SLCO1B1: variants seen among roughly 807,000 people sequenced by gnomAD.
SLCO1B1 encodes OATP-2.
A neutral mutation model predicts 70.1 loss-of-function variants in SLCO1B1; 81 were observed. The observed-to-expected ratio is 1.16, with a 90% CI of 0.97 to 1.39. The LOEUF (loss-of-function observed/expected upper bound fraction) is 1.39. Among genes scored for constraint, SLCO1B1 ranks in the 40% most tolerant of loss-of-function variants. The pLI is 0.00. For missense variants in SLCO1B1, 895 were observed against 799.6 expected, an observed-to-expected ratio of 1.12 and a Z score of -1.44; for synonymous variants, 283 against 271.5, an observed-to-expected ratio of 1.04 and a Z score of -0.42.
chr12:21,142,255 CTG>C (rs1940321143), intron 2 of SLCO1B1, among the ~76,000 whole-genome samples: 1 of 151,884 alleles, frequency 6.6e-6, no homozygotes, highest in South Asian at 2.1e-4. Flanking sequence ...TTGGCACAAA[CTG>C]TATTAAATGA....
At chr12:21,178,031 A>T (rs1940842553) in intron 5 of SLCO1B1, among the ~76,000 whole-genome samples, 1 of 152,130 alleles carries the variant, frequency 6.6e-6, no homozygotes, top group Non-Finnish European at 1.5e-5. Flanking sequence ...GTGTAATGTG[A>T]TTACAGATAA....
rs1284381255 is a variant in SLCO1B1 at position 21,223,062 on chromosome 12, GA to G, written c.1747+699del. Among the ~76,000 whole-genome samples the G allele has an allele frequency of 2.6e-5, 4 of 152,224 alleles. No individual in the cohort carries two copies. The East Asian group carries it at 7.7e-4, about 29-fold the overall frequency. On this transcript the variant is annotated intron_variant, in intron 13 of 14. Transcript: ENST00000256958. ...GGTTTCTACCTTCAGTTTCAATGGA[GA>G]TACCTCTCTGCTAGAACCTGGGTGA...
chr12:21,218,881 T>A (rs745332623), intron 12 of SLCO1B1, among the ~76,000 whole-genome samples: 2 of 152,214 alleles, frequency 1.3e-5, no homozygotes, highest in African/African-American at 2.4e-5. Context: ...TTTGTGAATA[T>A]GACTACAGAA....
rs113488581 is a variant in SLCO1B1 at position 21,150,706 on chromosome 12, G to A, written c.84+9048G>A. On this transcript the variant is annotated intron_variant, in intron 2 of 14. Transcript: ENST00000256958. ...CCATCTGAAAGGCACCAACATCAAA[G>A]ACCAAAGGTAGATAAATCCACGAAG... 8.5e-5 allele frequency among the ~76,000 whole-genome samples: 13 copies of A among 152,250 alleles called. 1 individual carries two copies. Among genetic ancestry groups the A allele is most frequent in the Admixed American group, 3.3e-4 (5 of 15,294 alleles).
intron 14 of SLCO1B1, among the ~76,000 whole-genome samples, chr12:21,235,985 T>C (rs1941592601): frequency 6.6e-6 from 1 of 152,162 alleles, no homozygotes; most frequent in South Asian, 2.1e-4. Flanking sequence ...GGATTTGTTT[T>C]TTCATGTTGA....
chr12:21,185,099 C>T (rs1445267830), intron 7 of SLCO1B1, among the ~76,000 whole-genome samples: 1 of 151,850 alleles, frequency 6.6e-6, no homozygotes, highest in African/African-American at 2.4e-5. Context: ...AGTGGAGGAC[C>T]CAGATTTACA....
At position 21,163,309 on chromosome 12, in the gene SLCO1B1, C is replaced by T. The variant is rs1031994742; in HGVS notation, c.85-9341C>T. 3.9e-5 allele frequency among the ~76,000 whole-genome samples: 6 copies of T among 151,994 alleles called. No individual in the cohort carries two copies. The East Asian group carries it at 1.2e-3, about 29-fold the overall frequency. On this transcript the variant is annotated intron_variant, in intron 2 of 14. Coordinates refer to ENST00000256958, the MANE Select transcript of SLCO1B1 (RefSeq NM_006446.5). ...CTATTCTAACTAGGGAGTAGTTAGA[C>T]TAGTTATTTTAAAATACTTCATTAA...
chr12:21,189,557 C>A (rs1298479060), intron 7 of SLCO1B1, among the ~76,000 whole-genome samples: 1 of 151,948 alleles, frequency 6.6e-6, no homozygotes, highest in African/African-American at 2.4e-5. Flanking sequence ...CAGTGATTAT[C>A]CAGCCTCAGC....
intron 2 of SLCO1B1, among the ~76,000 whole-genome samples, chr12:21,153,446 G>T (rs1170950580): frequency 2.0e-5 from 3 of 151,988 alleles, no homozygotes; most frequent in Non-Finnish European, 4.4e-5. Flanking sequence ...TTGCATTGTG[G>T]AAGCTATGAC....
chr12:21,206,296 A>C (rs532877023), intron 11 of SLCO1B1, among the ~76,000 whole-genome samples: 17 of 151,940 alleles, frequency 1.1e-4, no homozygotes, highest in African/African-American at 4.1e-4. Flanking sequence ...TAAGACTATG[A>C]CCTTTTAGAA....
At chr12:21,224,475 A>G (rs536339623) in intron 13 of SLCO1B1, among the ~76,000 whole-genome samples, 1 of 152,262 alleles carries the variant, frequency 6.6e-6, no homozygotes, top group South Asian at 2.1e-4. Context: ...CATAAGAAGA[A>G]CAGAGTATAT....
chr12:21,168,611 T>C lies in SLCO1B1; in HGVS notation c.85-4039T>C, dbSNP rs146495783. On this transcript the variant is annotated intron_variant, in intron 2 of 14. Transcript: ENST00000256958. ...GTTGTGGGGTGATATCTCATTGTGGTTTTAATTTGCATTTCCCTGATAAGT... is the reference window on the plus strand; with the variant it reads ...GTTGTGGGGTGATATCTCATTGTGGCTTTAATTTGCATTTCCCTGATAAGT... 3.4e-3 allele frequency among the ~76,000 whole-genome samples: 523 copies of C among 152,304 alleles called. 2 individuals carry two copies. Among genetic ancestry groups the C allele is most frequent in the Non-Finnish European group, 5.6e-3 (378 of 68,014 alleles).
At chr12:21,180,619 C>T (rs137855662) in intron 7 of SLCO1B1, among the ~76,000 whole-genome samples, 1 of 152,156 alleles carries the variant, frequency 6.6e-6, no homozygotes, top group East Asian at 1.9e-4. Context: ...GGATAGACAT[C>T]ACAGTGGGCC....
intron 1 of SLCO1B1, among the ~76,000 whole-genome samples, chr12:21,138,003 A>G (rs1565662816): frequency 6.6e-6 from 1 of 152,200 alleles, no homozygotes; most frequent in South Asian, 2.1e-4. Context: ...AGTTTTTAGC[A>G]TGAACTAAGG....
chr12:21,229,162 T>C (rs1941508785), intron 14 of SLCO1B1, among the ~76,000 whole-genome samples: 1 of 152,112 alleles, frequency 6.6e-6, no homozygotes, highest in Non-Finnish European at 1.5e-5. Context: ...GCCCCACACA[T>C]GCATAGCCTA....
intron 2 of SLCO1B1, among the ~76,000 whole-genome samples, chr12:21,168,205 G>C (rs1426696284): frequency 1.5e-5 from 2 of 130,200 alleles, no homozygotes; most frequent in Non-Finnish European, 3.7e-5. Flanking sequence ...TGTCCTTGAG[G>C]TTCATCCATA....
chr12:21,193,705 G>A (rs1473680547), intron 7 of SLCO1B1, among the ~76,000 whole-genome samples: 1 of 152,070 alleles, frequency 6.6e-6, no homozygotes, highest in Non-Finnish European at 1.5e-5. Flanking sequence ...TCTCATATCT[G>A]AGCATTGCAT....
chr12:21,213,424 C>T (rs1300613093), intron 11 of SLCO1B1, among the ~76,000 whole-genome samples: 45 of 151,292 alleles, frequency 3.0e-4, no homozygotes, highest in African/African-American at 7.0e-4. Flanking sequence ...GGGTTTCTGC[C>T]GAGAGATCCG....
chr12:21,174,985 G>A (rs559871278), intron 4 of SLCO1B1, among the ~76,000 whole-genome samples: 92 of 152,114 alleles, frequency 6.0e-4, no homozygotes, highest in African/African-American at 2.0e-3. Context: ...TATACTGTAC[G>A]TCTTTGCCTA....
Sources: allele counts gnomAD v4.1 joint callset (sites outside exome capture counted in the v4.1 genomes callset), GRCh38; gene constraint gnomAD v4.1.1; transcripts MANE v1.5; gene names NCBI Gene and HGNC (gene_info 2026-07-23, HGNC 2026-07-21).